Variants in SMIM10L3 observed in about 807,000 individuals in gnomAD.
SMIM10L3 encodes the protein salivary gland specific protein SAGSIN1.
chr7:6,331,239 G>A, the SMIM10L3 span: 1 of 1,354,234 alleles, frequency 7.4e-7, no homozygotes, highest in South Asian at 1.4e-5. Context: ...TATGAACCTA[G>A]GAAAGGGAAT....
the SMIM10L3 span, among the ~76,000 whole-genome samples, chr7:6,336,172 C>CAAA: frequency 3.3e-3 from 437 of 131,810 alleles, 5 homozygotes; most frequent in Admixed American, 4.6e-3. Flanking sequence ...GATTTTGCCT[C>CAAA]AAAAAAAAAA....
the SMIM10L3 span, among the ~76,000 whole-genome samples, chr7:6,348,238 G>A: frequency 6.6e-6 from 1 of 150,960 alleles, no homozygotes; most frequent in African/African-American, 2.4e-5. Flanking sequence ...AATAAGGGGG[G>A]GGGTTGCAAA....
the SMIM10L3 span, among the ~76,000 whole-genome samples, chr7:6,344,575 C>T: frequency 1.3e-5 from 2 of 152,026 alleles, no homozygotes; most frequent in Middle Eastern, 3.4e-3. Flanking sequence ...TGCACCACCA[C>T]GCCCAGCTAA....
the SMIM10L3 span, among the ~76,000 whole-genome samples, chr7:6,336,460 C>A: frequency 6.6e-6 from 1 of 152,048 alleles, no homozygotes; most frequent in Admixed American, 6.6e-5. Context: ...GCAGGCAGAT[C>A]TCTTGAGGTC....
At chr7:6,332,763 C>A in the SMIM10L3 span, among the ~76,000 whole-genome samples, 1 of 152,188 alleles carries the variant, frequency 6.6e-6, no homozygotes. Context: ...CTGAAAGTGG[C>A]TGACGGGGAT....
At chr7:6,339,985 A>G in the SMIM10L3 span, among the ~76,000 whole-genome samples, 1 of 151,530 alleles carries the variant, frequency 6.6e-6, no homozygotes, top group African/African-American at 2.4e-5. Context: ...CCTGGGTTCA[A>G]GCACTTCTCC....
chr7:6,342,009 T>C, the SMIM10L3 span: 1 of 151,310 alleles, frequency 6.6e-6, no homozygotes, highest in Admixed American at 6.6e-5. Context: ...AAAAAAAAAA[T>C]TGCAAGTGCT....
the SMIM10L3 span, among the ~76,000 whole-genome samples, chr7:6,338,305 A>G: frequency 6.6e-6 from 1 of 152,132 alleles, no homozygotes; most frequent in Non-Finnish European, 1.5e-5. Flanking sequence ...GTACCAGATA[A>G]AATATGCCTA....
At chr7:6,330,320 A>C in the SMIM10L3 span, 1 of 1,515,240 alleles carries the variant, frequency 6.6e-7, no homozygotes, top group South Asian at 1.3e-5. Flanking sequence ...ATGCGAAAGA[A>C]ATCATTCTAA....
At chr7:6,348,881 C>CGGGCCGCAGTGGAGCGG in the SMIM10L3 span, 898 of 388,358 alleles carry the variant, frequency 2.3e-3, 22 homozygotes, top group Admixed American at 0.036. Flanking sequence ...GGCGGGCGGG[C>CGGGCCGCAGTGGAGCGG]GGGCCGCAGT....
chr7:6,342,514 G>A, the SMIM10L3 span, among the ~76,000 whole-genome samples: 1 of 152,052 alleles, frequency 6.6e-6, no homozygotes, highest in Non-Finnish European at 1.5e-5. Flanking sequence ...ACTGCAGCCT[G>A]GGTGACAAAG....
At chr7:6,336,135 T>G in the SMIM10L3 span, among the ~76,000 whole-genome samples, 1 of 146,174 alleles carries the variant, frequency 6.8e-6, no homozygotes, top group African/African-American at 2.6e-5. Flanking sequence ...ATAGCACCAC[T>G]GCACTCCAGC....
the SMIM10L3 span, among the ~76,000 whole-genome samples, chr7:6,341,397 G>GCGC: frequency 4.0e-5 from 6 of 151,312 alleles, no homozygotes; most frequent in Non-Finnish European, 8.8e-5. Flanking sequence ...AGCGGAGATC[G>GCGC]CGCCACTGTA....
chr7:6,332,069 G>A, the SMIM10L3 span, among the ~76,000 whole-genome samples: 10,775 of 149,414 alleles, frequency 0.072, 742 homozygotes, highest in African/African-American at 0.18. Flanking sequence ...CCGAGATCAT[G>A]CCACTGCACT....
At chr7:6,340,285 C>T in the SMIM10L3 span, among the ~76,000 whole-genome samples, 65,633 of 151,956 alleles carry the variant, frequency 0.43, 15,178 homozygotes, top group East Asian at 0.88. Flanking sequence ...CAGCTGCTGT[C>T]GATCAGAATC....
At chr7:6,334,084 G>A in the SMIM10L3 span, among the ~76,000 whole-genome samples, 23 of 151,172 alleles carry the variant, frequency 1.5e-4, no homozygotes, top group South Asian at 4.6e-3. Flanking sequence ...CTGACCTCGT[G>A]ATCCGCCCAC....
the SMIM10L3 span, among the ~76,000 whole-genome samples, chr7:6,346,357 G>A: frequency 6.6e-6 from 1 of 152,000 alleles, no homozygotes; most frequent in Admixed American, 6.6e-5. Flanking sequence ...AAATAAAGAG[G>A]CCAGTTAATC....
the SMIM10L3 span, among the ~76,000 whole-genome samples, chr7:6,338,046 C>T: frequency 7.5e-3 from 1,135 of 151,054 alleles, 21 homozygotes; most frequent in African/African-American, 0.025. Context: ...TCAGGTGATC[C>T]ACCTGCCTCA....
the SMIM10L3 span, chr7:6,348,845 G>A: frequency 2.3e-5 from 9 of 392,502 alleles, no homozygotes; most frequent in South Asian, 2.7e-4. Flanking sequence ...GCGTGCTCAG[G>A]GAGCGAAGGA....
Sources: gnomAD v4.1 joint callset for allele counts (sites outside exome capture counted in the v4.1 genomes callset) on GRCh38, gnomAD v4.1.1 for gene constraint, MANE v1.5 for transcripts, NCBI Gene and HGNC (gene_info 2026-07-23, HGNC 2026-07-21) for gene names.